TCF7L2: variants seen among roughly 807,000 people sequenced by gnomAD.
TCF7L2 encodes the protein transcription factor 7-like 2.
Under a neutral mutation model 77.9 loss-of-function variants are expected in TCF7L2, and 23 were observed. The observed-to-expected ratio is 0.30, with a 90% CI of 0.21 to 0.42. The LOEUF (loss-of-function observed/expected upper bound fraction) is 0.42, where lower values mean the gene tolerates loss of function less well. Ranked by LOEUF, TCF7L2 falls within the 10% of genes least tolerant of loss-of-function variation. The pLI is 1.00. For synonymous variants in TCF7L2, 413 were observed against 340.2 expected, an observed-to-expected ratio of 1.21 and a Z score of -2.36; for missense variants, 654 against 793.1, an observed-to-expected ratio of 0.82 and a Z score of 2.11.
At chr10:112,961,838 G>A (rs1279312071) in intron 3 of TCF7L2, among the ~76,000 whole-genome samples, 1 of 151,542 alleles carries the variant, frequency 6.6e-6, no homozygotes, top group Non-Finnish European at 1.5e-5. Context: ...TGGGGGGTGG[G>A]GTGGGGGGCA....
In TCF7L2 at chr10:113,139,595, A is replaced by G. The variant is rs1460179014; in HGVS notation, c.553-1589A>G. Among the ~76,000 whole-genome samples, 5 of 54,760 alleles carry G rather than the reference A, an allele frequency of 9.1e-5. No homozygotes were observed. The East Asian group carries it at 1.3e-3, about 14-fold the overall frequency. 35.9% of individuals were successfully genotyped at this position (54,760 alleles called of 152,430 possible). A position where few individuals can be genotyped will look rare whatever the true frequency, so the allele number is the denominator to read the frequency against. On this transcript the variant is annotated intron_variant, in intron 5 of 13. Coordinates refer to ENST00000627217, the MANE Select transcript of TCF7L2 (RefSeq NM_001146274.2). The stretch of plus-strand genomic sequence containing the variant: ...AGCAACCTGCTAGCCCCTTTCTCCA[A>G]GAGTCCAGTTATACATAGGAATTGG...
At chr10:113,001,938 A>C (rs10885402) in intron 4 of TCF7L2, among the ~76,000 whole-genome samples, 81,142 of 152,006 alleles carry the variant, frequency 0.53, 24,391 homozygotes, top group African/African-American at 0.81. Context: ...TTAAGGTCTG[A>C]GCCCAGCTGT....
intron 7 of TCF7L2, among the ~76,000 whole-genome samples, chr10:113,145,440 T>C (rs1236015732): frequency 6.6e-6 from 1 of 152,204 alleles, no homozygotes; most frequent in East Asian, 1.9e-4. Flanking sequence ...TTAATTATTG[T>C]AATGAGGTGT....
At chr10:113,091,452 G>A (rs1231177488) in intron 5 of TCF7L2, among the ~76,000 whole-genome samples, 7 of 152,188 alleles carry the variant, frequency 4.6e-5, no homozygotes, top group Non-Finnish European at 1.0e-4. Context: ...TGAAGATGTG[G>A]CTGGGTGCAG....
intron 5 of TCF7L2, among the ~76,000 whole-genome samples, chr10:113,058,232 T>A: frequency 6.6e-6 from 1 of 152,188 alleles, no homozygotes; most frequent in East Asian, 1.9e-4. Flanking sequence ...AATGGCTTGT[T>A]ACATTCAAAT....
chr10:112,974,457 G>C (rs1199504037), intron 4 of TCF7L2, among the ~76,000 whole-genome samples: 1 of 151,674 alleles, frequency 6.6e-6, no homozygotes, highest in Admixed American at 6.6e-5. Context: ...TTTTGTTTTT[G>C]TTTTTGAGAT....
intron 12 of TCF7L2, 123 bp from the exon 14 acceptor site, chr10:113,159,791 TTTTTTA>T (rs1478384376): frequency 1.5e-6 from 1 of 674,700 alleles, no homozygotes; most frequent in South Asian, 1.7e-5. Flanking sequence ...ATTTATTCCC[TTTTTTA>T]TTTTTATTTT....
At chr10:112,985,262 C>G (rs1353759646) in intron 4 of TCF7L2, among the ~76,000 whole-genome samples, 3 of 152,122 alleles carry the variant, frequency 2.0e-5, no homozygotes, top group Non-Finnish European at 1.5e-5. Context: ...AAACTTCCAT[C>G]TCTTCTGGTT....
chr10:112,950,473 T>A lies in TCF7L2; in HGVS notation c.-284T>A, dbSNP rs1446205345. On this transcript the variant is annotated 5_prime_UTR_variant, in exon 1 of 14. Transcript: ENST00000627217. The stretch of plus-strand genomic sequence containing the variant: ...TGTTTTTTTTTTTTTTACCCCCCTT[T>A]TTTATTTATTATTTTTTTGCACATT... The A allele has an allele frequency of 1.7e-5, 4 of 240,984 alleles. No homozygotes were observed. Among genetic ancestry groups the A allele is most frequent in the Non-Finnish European group, 3.2e-5 (4 of 125,496 alleles). 14.9% of individuals were successfully genotyped at this position (240,984 alleles called of 1,614,324 possible).
At chr10:113,086,450 A>G (rs954915569) in intron 5 of TCF7L2, among the ~76,000 whole-genome samples, 42 of 152,122 alleles carry the variant, frequency 2.8e-4, no homozygotes, top group African/African-American at 9.9e-4. Flanking sequence ...ATTCAAGTCC[A>G]GAGAGATCTT....
chr10:113,048,866 G>A (rs1347964693), intron 5 of TCF7L2, among the ~76,000 whole-genome samples: 1 of 152,194 alleles, frequency 6.6e-6, no homozygotes, highest in Admixed American at 6.5e-5. Context: ...ATGGGCAATA[G>A]ATACATTTTA....
At chr10:113,101,972 C>T (rs936740403) in intron 5 of TCF7L2, among the ~76,000 whole-genome samples, 5 of 149,872 alleles carry the variant, frequency 3.3e-5, no homozygotes, top group Admixed American at 6.7e-5. Context: ...AACCCCATCT[C>T]TACTAAAATA....
At chr10:113,154,894 C>A (rs1473775481) in intron 11 of TCF7L2, among the ~76,000 whole-genome samples, 1 of 152,144 alleles carries the variant, frequency 6.6e-6, no homozygotes, top group Non-Finnish European at 1.5e-5. Flanking sequence ...ACACTCACGC[C>A]TTCCTTTTAT....
intron 4 of TCF7L2, among the ~76,000 whole-genome samples, chr10:113,015,415 T>A (rs915653879): frequency 6.6e-6 from 1 of 150,932 alleles, no homozygotes; most frequent in Non-Finnish European, 1.5e-5. Context: ...CCAGGTGTGA[T>A]CCTCCTGCTG....
chr10:113,145,776 T>C (rs1360134255), intron 7 of TCF7L2, among the ~76,000 whole-genome samples: 1 of 152,244 alleles, frequency 6.6e-6, no homozygotes, highest in African/African-American at 2.4e-5. Context: ...AGAGGGTCTC[T>C]ATTGACATAA....
At chr10:112,990,990 G>T (rs935975909) in intron 4 of TCF7L2, among the ~76,000 whole-genome samples, 1 of 152,120 alleles carries the variant, frequency 6.6e-6, no homozygotes, top group African/African-American at 2.4e-5. Context: ...CTCTCTCCCT[G>T]GAACTCTTCC....
chr10:113,000,620 G>A (rs2044299904), intron 4 of TCF7L2, among the ~76,000 whole-genome samples: 2 of 152,210 alleles, frequency 1.3e-5, no homozygotes, highest in Admixed American at 6.5e-5. Context: ...CCTGGACAGC[G>A]AAAGCAGTGA....
At chr10:112,961,889 G>A (rs1372385318) in intron 3 of TCF7L2, among the ~76,000 whole-genome samples, 5 of 146,938 alleles carry the variant, frequency 3.4e-5, no homozygotes, top group Admixed American at 2.7e-4. Context: ...TCGCGTGTGC[G>A]TGTATGTGTG....
intron 5 of TCF7L2, among the ~76,000 whole-genome samples, chr10:113,102,748 G>C (rs2061811352): frequency 6.6e-6 from 1 of 152,044 alleles, no homozygotes; most frequent in Non-Finnish European, 1.5e-5. Context: ...TCACTTCTTT[G>C]ATTTGGGAGG....
Sources: allele counts gnomAD v4.1 joint callset (sites outside exome capture counted in the v4.1 genomes callset), GRCh38; gene constraint gnomAD v4.1.1; transcripts MANE v1.5; gene names NCBI Gene and HGNC (gene_info 2026-07-23, HGNC 2026-07-21).